TEX14: variants seen among roughly 807,000 people sequenced by gnomAD.
TEX14 encodes the protein testis expressed 14, intercellular bridge forming factor, also known as inactive serine/threonine-protein kinase TEX14.
Under a neutral mutation model 178.6 loss-of-function variants are expected in TEX14, and 168 were observed. That is an observed-to-expected ratio of 0.94 (90% CI 0.83 to 1.07). The LOEUF (loss-of-function observed/expected upper bound fraction) is 1.07. Among genes scored for constraint, TEX14 ranks in the 50% least tolerant of loss-of-function variants. The pLI is 0.00. For synonymous variants in TEX14, 626 were observed against 634.1 expected (o/e 0.99, Z 0.19); for missense variants, 1,730 against 1,753.6 (o/e 0.99, Z 0.24).
chr17:58,605,205 T>G, intron 10 of TEX14, 76 bp from the exon 11 acceptor site: 1 of 1,502,408 alleles, frequency 6.7e-7, no homozygotes, highest in Non-Finnish European at 9.0e-7. Flanking sequence ...ATTCATTCTT[T>G]CATTCATTCA....
At chr17:58,660,506 AGGGGAAGGCTGCATGGTTTTCCTTGGC>A in intron 1 of TEX14, 1 of 707,436 alleles carries the variant, frequency 1.4e-6, no homozygotes, top group Non-Finnish European at 2.6e-6. Context: ...GAGCTCAGGG[AGGGGAAGGCTGCATGGTTTTCCTTGGC>A]GGGGAAGGTG....
In TEX14 at chr17:58,616,226, T is replaced by A. The variant is rs965138377; in HGVS notation, c.716A>T (p.Asp239Val). Residue 239 changes from aspartate (D) to valine (V), a missense_variant, in exon 7 of 32, where the codon GAT becomes GTT. Physicochemically the swap from Asp to Val is radical, Grantham distance 152 (BLOSUM62 -3). Coordinates refer to ENST00000349033, the MANE Select transcript of TEX14 (RefSeq NM_031272.5). ...VIGEKEVIQADDEPTFSFFSG... is the reference protein window; with the variant it reads ...VIGEKEVIQAVDEPTFSFFSG... ...GAAGAAAGAGAAGGTGGGCTCATCATCAGCTTGAATCACTTCCTTTTCTCC... is the reference window on the plus strand; with the variant it reads ...GAAGAAAGAGAAGGTGGGCTCATCAACAGCTTGAATCACTTCCTTTTCTCC... 6.2e-7 allele frequency: 1 copy of A among 1,614,014 alleles called. No individual in the cohort carries two copies.
At chr17:58,621,405 G>C (rs1020887023) in intron 5 of TEX14, among the ~76,000 whole-genome samples, 7 of 152,226 alleles carry the variant, frequency 4.6e-5, no homozygotes, top group African/African-American at 1.4e-4. Context: ...CCACAGGGTG[G>C]TTTCCATCAG....
At chr17:58,666,004 G>A (rs2143418796) in intron 1 of TEX14, among the ~76,000 whole-genome samples, 1 of 150,738 alleles carries the variant, frequency 6.6e-6, no homozygotes, top group African/African-American at 2.4e-5. Flanking sequence ...AGCCGAGATT[G>A]TGCCACTCAA....
intron 1 of TEX14, among the ~76,000 whole-genome samples, chr17:58,671,826 G>C (rs187551993): frequency 2.1e-4 from 32 of 152,276 alleles, no homozygotes; most frequent in African/African-American, 7.5e-4. Context: ...CTCACTGCCA[G>C]AGAAGCTCAT....
chr17:58,631,966 T>C (rs915413253), intron 2 of TEX14: 3 of 152,356 alleles, frequency 2.0e-5, no homozygotes, highest in Non-Finnish European at 4.4e-5. Flanking sequence ...ATCTTTCCAC[T>C]ACCAAAGTTC....
At chr17:58,574,639 A>ACGAT (rs1314541640) in intron 21 of TEX14, among the ~76,000 whole-genome samples, 1 of 125,220 alleles carries the variant, frequency 8.0e-6, no homozygotes, top group African/African-American at 3.2e-5. Flanking sequence ...GCGCCATTGC[A>ACGAT]CTCCAGCCTG....
intron 1 of TEX14, among the ~76,000 whole-genome samples, chr17:58,657,502 CTTTTTTTTT>C (rs35359604): frequency 3.9e-5 from 2 of 51,350 alleles, no homozygotes; most frequent in East Asian, 5.2e-4. Flanking sequence ...ACGGGAAATG[CTTTTTTTTT>C]TTTTTTTTTT....
chr17:58,664,863 G>C (rs1265377214), intron 1 of TEX14, among the ~76,000 whole-genome samples: 1 of 152,124 alleles, frequency 6.6e-6, no homozygotes, highest in African/African-American at 2.4e-5. Flanking sequence ...TAGGCAGTGT[G>C]CCTGTGGTAC....
At chr17:58,616,385 A>G in intron 6 of TEX14, 80 bp from the exon 7 acceptor site, 1 of 1,538,060 alleles carries the variant, frequency 6.5e-7, no homozygotes, top group East Asian at 2.3e-5. Flanking sequence ...CAGCCAGCTA[A>G]AAGAATGAGA....
At chr17:58,671,582 C>T (rs1045763577) in intron 1 of TEX14, among the ~76,000 whole-genome samples, 1 of 152,168 alleles carries the variant, frequency 6.6e-6, no homozygotes, top group Non-Finnish European at 1.5e-5. Flanking sequence ...TGTCTCCTGC[C>T]TGTGGTCCAT....
intron 1 of TEX14, among the ~76,000 whole-genome samples, chr17:58,691,535 C>T (rs1567780210): frequency 1.3e-5 from 2 of 151,834 alleles, no homozygotes; most frequent in Non-Finnish European, 2.9e-5. Context: ...GGCATGGTGG[C>T]GTGCGCCTGT....
At chr17:58,579,304 T>C (rs901843423) in intron 20 of TEX14, among the ~76,000 whole-genome samples, 8 of 152,250 alleles carry the variant, frequency 5.3e-5, no homozygotes, top group African/African-American at 1.9e-4. Flanking sequence ...ACTAGCTATG[T>C]AGCTTGGGCA....
Position 58,569,302 on chromosome 17 carries a change from C to G in TEX14, c.3818-42G>C. Reference sequence around the variant, plus strand: ...ACAAAAGGGAAAATGTCTTAACACCCTCCTGGACCTGAACTGAATTTTTCT... The same window carrying G: ...ACAAAAGGGAAAATGTCTTAACACCGTCCTGGACCTGAACTGAATTTTTCT... On this transcript the variant is annotated intron_variant, in intron 25 of 31. Coordinates refer to ENST00000349033, the MANE Select transcript of TEX14 (RefSeq NM_031272.5). The surrounding 1 kb of genome is among the most constrained non-coding windows in gnomAD (Gnocchi z 4.1). The G allele has an allele frequency of 1.3e-6, 2 of 1,527,874 alleles. No individual in the cohort carries two copies. The highest frequency in any genetic ancestry group is 1.8e-6 in the Non-Finnish European group (2 of 1,103,628). 94.6% of individuals were successfully genotyped at this position (1,527,874 alleles called of 1,614,324 possible).
chr17:58,661,554 C>T (rs371704415), intron 1 of TEX14: 44 of 749,366 alleles, frequency 5.9e-5, no homozygotes, highest in Non-Finnish European at 9.4e-5. Context: ...TCGAACAGCT[C>T]GGGGAGCCGC....
chr17:58,690,608 A>T (rs2047683301), intron 1 of TEX14, among the ~76,000 whole-genome samples: 1 of 152,210 alleles, frequency 6.6e-6, no homozygotes, highest in African/African-American at 2.4e-5. Flanking sequence ...TGGGTGCTTT[A>T]TAAGCATAAG....
At chr17:58,581,551 A>G in intron 19 of TEX14, 1 of 1,578,886 alleles carries the variant, frequency 6.3e-7, no homozygotes, top group Non-Finnish European at 8.6e-7. Flanking sequence ...TTTCTCAATA[A>G]AAGAAATAAG....
At chr17:58,601,612 T>C (rs2045447778) in intron 13 of TEX14, among the ~76,000 whole-genome samples, 194 bp downstream of exon 13, 1 of 152,120 alleles carries the variant, frequency 6.6e-6, no homozygotes, top group Non-Finnish European at 1.5e-5. Context: ...GAGAATCACT[T>C]GAACCCAGGA....
Position 58,558,137 on chromosome 17 carries a change from G to A in TEX14, c.4268-287C>T, listed in dbSNP as rs112639039. Among the ~76,000 whole-genome samples the A allele has an allele frequency of 1.0e-3, 152 of 152,270 alleles. 1 individual carries two copies. The highest frequency in any genetic ancestry group is 3.5e-3 in the African/African-American group (146 of 41,548). On this transcript the variant is annotated intron_variant, in intron 30 of 31. Coordinates refer to ENST00000349033, the MANE Select transcript of TEX14 (RefSeq NM_031272.5). ...ACTATTAATAGCTAAATGCCTACAC[G>A]TTCTGGGCCCTGTGCAGTCAGGGTT...
Sources: allele counts gnomAD v4.1 joint callset (sites outside exome capture counted in the v4.1 genomes callset), GRCh38; gene constraint gnomAD v4.1.1; non-coding constraint Gnocchi (gnomAD v3.1); transcripts MANE v1.5; gene names NCBI Gene and HGNC (gene_info 2026-07-23, HGNC 2026-07-21).